C4orf51: variants seen among roughly 807,000 people sequenced by gnomAD.
The protein encoded by C4orf51 is chromosome 4 open reading frame 51.
In C4orf51, 25 loss-of-function variants were observed where a neutral mutation model predicts 25.2. The observed-to-expected ratio is 0.99, with a 90% CI of 0.72 to 1.39. The LOEUF (loss-of-function observed/expected upper bound fraction) is 1.39, where lower values mean the gene tolerates loss of function less well. Among genes scored for constraint, C4orf51 ranks in the 40% most tolerant of loss-of-function variants. The pLI is 0.00. For synonymous variants in C4orf51, 100 were observed against 84.5 expected (o/e 1.18, Z -1.01); for missense variants, 252 against 239.6 (o/e 1.05, Z -0.34).
intron 2 of C4orf51, among the ~76,000 whole-genome samples, chr4:145,710,492 A>G (rs1414152522): frequency 1.3e-5 from 2 of 152,170 alleles, no homozygotes; most frequent in Admixed American, 6.5e-5. Flanking sequence ...GAGCATGCAC[A>G]GTGTGTGTAC....
At chr4:145,721,637 C>T (rs6832004) in intron 2 of C4orf51, among the ~76,000 whole-genome samples, 2 of 152,176 alleles carry the variant, frequency 1.3e-5, no homozygotes, top group Non-Finnish European at 2.9e-5. Context: ...GCAACAGTTT[C>T]CAAATTCCCT....
intron 2 of C4orf51, among the ~76,000 whole-genome samples, chr4:145,717,090 AT>A (rs1166744395): frequency 6.6e-6 from 1 of 151,608 alleles, no homozygotes; most frequent in African/African-American, 2.4e-5. Flanking sequence ...TTACATTCAT[AT>A]TGTTTTTTGT....
At chr4:145,775,350 G>A (rs764641291), downstream of C4orf51, among the ~76,000 whole-genome samples, 41 of 152,004 alleles carry the variant, frequency 2.7e-4, no homozygotes, top group Non-Finnish European at 5.1e-4. Context: ...ACATACTAAA[G>A]TGTGATACAA....
At chr4:145,733,081 G>A (rs1038353757), downstream of C4orf51, among the ~76,000 whole-genome samples, 2 of 152,210 alleles carry the variant, frequency 1.3e-5, no homozygotes, top group Admixed American at 6.5e-5. Flanking sequence ...GCTCAGGGGC[G>A]GAGTCGTGGC....
Position 145,750,736 on chromosome 4 carries a change from T to C in C4orf51, n.168-3471T>C, listed in dbSNP as rs1166963526. Among the ~76,000 whole-genome samples the C allele has an allele frequency of 5.3e-5, 8 of 152,332 alleles. No homozygotes were observed. In the East Asian group the frequency reaches 1.5e-3, roughly 29 times the overall value. On this transcript the variant is annotated intron_variant and non_coding_transcript_variant, in intron 1 of 1. Transcript: ENST00000508981. ...TCCCTTTGAATAAACTTTCTACCCC[T>C]ATCTATTTCTCTACTTCTTCTTTAA...
At position 145,762,982 on chromosome 4, in the gene C4orf51, G is replaced by A. The variant is rs1020063573; in HGVS notation, n.167-8006G>A. 9 of 1,107,438 alleles carry A rather than the reference G, an allele frequency of 8.1e-6. No individual in the cohort carries two copies. The highest frequency in any genetic ancestry group is 7.7e-5 in the East Asian group (3 of 38,952). The allele number at this position is 1,107,438 out of a possible 1,614,324, so 68.6% of individuals were successfully genotyped here. On this transcript the variant is annotated intron_variant and non_coding_transcript_variant, in intron 1 of 1. Transcript: ENST00000510096. The surrounding 1 kb of genome is among the most constrained non-coding windows in gnomAD (Gnocchi z 4.9). ...GCACGGCCTCCTCAGCGCCAAGCTC[G>A]CCGTTAGCCTTTGAACCTCAGCTCA...
At chr4:145,701,913 A>C (rs1351693363) in intron 2 of C4orf51, among the ~76,000 whole-genome samples, 1 of 151,868 alleles carries the variant, frequency 6.6e-6, no homozygotes, top group African/African-American at 2.4e-5. Flanking sequence ...GCCGCATCTC[A>C]TTGCTACCCT....
the C4orf51 span, among the ~76,000 whole-genome samples, chr4:145,785,362 A>G: frequency 6.6e-6 from 1 of 152,162 alleles, no homozygotes; most frequent in Non-Finnish European, 1.5e-5. Flanking sequence ...CATGCCTCCA[A>G]AAACTTTCCT....
At chr4:145,756,526 A>G (rs1370772624), downstream of C4orf51, among the ~76,000 whole-genome samples, 1 of 152,196 alleles carries the variant, frequency 6.6e-6, no homozygotes, top group African/African-American at 2.4e-5. Flanking sequence ...TTCTGGGGAA[A>G]TGATTACTAA....
chr4:145,758,960 G>C (rs917371387), downstream of C4orf51: 3 of 152,212 alleles, frequency 2.0e-5, no homozygotes, highest in Admixed American at 6.5e-5. Flanking sequence ...CTGTAGAACT[G>C]TACTAATTTC....
chr4:145,725,203 TA>T (rs2126759269), intron 2 of C4orf51, among the ~76,000 whole-genome samples: 1 of 151,834 alleles, frequency 6.6e-6, no homozygotes, highest in African/African-American at 2.4e-5. Context: ...TAGAAATTTT[TA>T]AAAAAATAAA....
At chr4:145,786,409 A>G in the C4orf51 span, among the ~76,000 whole-genome samples, 1 of 152,234 alleles carries the variant, frequency 6.6e-6, no homozygotes, top group Admixed American at 6.5e-5. Context: ...CAATGCATAA[A>G]TAACTGTTCA....
chr4:145,691,284 C>CAA (rs1226033261), intron 1 of C4orf51, among the ~76,000 whole-genome samples: 1 of 151,948 alleles, frequency 6.6e-6, no homozygotes, highest in East Asian at 1.9e-4. Context: ...AATAAAAAGT[C>CAA]AAAAAATAAC....
At chr4:145,779,864 CA>C in the C4orf51 span, among the ~76,000 whole-genome samples, 1 of 152,278 alleles carries the variant, frequency 6.6e-6, no homozygotes, top group Non-Finnish European at 1.5e-5. Flanking sequence ...GTTAAAATTC[CA>C]GAAATGTAGG....
chr4:145,753,925 A>G (rs967557786), intron 1 of C4orf51, among the ~76,000 whole-genome samples: 11 of 152,248 alleles, frequency 7.2e-5, no homozygotes, highest in African/African-American at 2.4e-4. Context: ...TGCTACATGA[A>G]TGAGAAGGCT....
chr4:145,761,122 G>C lies in C4orf51; in HGVS notation n.167-9866G>C, dbSNP rs773468131. On this transcript the variant is annotated intron_variant and non_coding_transcript_variant, in intron 1 of 1. Transcript: ENST00000510096. This position sits in a 1 kb window ranked among gnomAD's most constrained non-coding sequence, Gnocchi z 6.8. Reference sequence around the variant, plus strand: ...CCGGGAGCTCCCGACCACCAGGAGCGGGGCCCCCGGGCCGGCCGGTTCCTT... The same window carrying C: ...CCGGGAGCTCCCGACCACCAGGAGCCGGGCCCCCGGGCCGGCCGGTTCCTT... 2 of 1,289,508 alleles carry C rather than the reference G, an allele frequency of 1.6e-6. No individual in the cohort carries two copies. Among genetic ancestry groups the C allele is most frequent in the African/African-American group, 3.0e-5 (2 of 65,860 alleles). 79.9% of individuals were successfully genotyped at this position (1,289,508 alleles called of 1,614,324 possible). A position where few individuals can be genotyped will look rare whatever the true frequency, so the allele number is the denominator to read the frequency against.
chr4:145,701,927 C>T (rs1730474261), intron 2 of C4orf51, among the ~76,000 whole-genome samples: 1 of 152,052 alleles, frequency 6.6e-6, no homozygotes. Context: ...CTACCCTTCT[C>T]CCCAACCCAA....
chr4:145,718,655 G>A (rs1731548911), intron 2 of C4orf51, among the ~76,000 whole-genome samples: 2 of 152,188 alleles, frequency 1.3e-5, no homozygotes, highest in African/African-American at 4.8e-5. Flanking sequence ...GTTTCCTGTT[G>A]CACTTACAAC....
In C4orf51 at chr4:145,732,590, C is replaced by T. The variant is rs200732571; in HGVS notation, c.*30C>T. 1.6e-4 allele frequency: 248 copies of T among 1,509,328 alleles called. 1 individual carries two copies. The African/African-American group carries it at 2.9e-3, about 18-fold the overall frequency. 93.5% of individuals were successfully genotyped at this position (1,509,328 alleles called of 1,614,324 possible). ...GAAAATGAAGCCACAAGGCTGGAGG[C>T]GTGGAGTTTGCTTAATAAACAACTT... On this transcript the variant is annotated 3_prime_UTR_variant, in exon 6 of 6. Coordinates refer to ENST00000438731, the MANE Select transcript of C4orf51 (RefSeq NM_001080531.3).
Sources: gnomAD v4.1 joint callset for allele counts (sites outside exome capture counted in the v4.1 genomes callset) on GRCh38, gnomAD v4.1.1 for gene constraint, Gnocchi (gnomAD v3.1) non-coding constraint, MANE v1.5 for transcripts, NCBI Gene and HGNC (gene_info 2026-07-23, HGNC 2026-07-21) for gene names.